The following LRP6 variants were observed in gnomAD, a reference collection of about 807,000 sequenced individuals.
LRP6 encodes low-density lipoprotein receptor-related protein 6.
LRP6 carries 43 observed loss-of-function variants against 184.1 expected under a neutral mutation model. The observed-to-expected ratio is 0.23, with a 90% CI of 0.18 to 0.30. The LOEUF (loss-of-function observed/expected upper bound fraction) is 0.30. LRP6 is among the 10% of genes least tolerant of loss of function. The pLI is 1.00. For missense variants in LRP6, 1,571 were observed against 2,005.3 expected, an observed-to-expected ratio of 0.78 and a Z score of 4.14; for synonymous variants, 719 against 684.9, an observed-to-expected ratio of 1.05 and a Z score of -0.78.
intron 2 of LRP6, among the ~76,000 whole-genome samples, chr12:12,223,970 C>A (rs1485859232): frequency 6.6e-6 from 1 of 152,146 alleles, no homozygotes; most frequent in South Asian, 2.1e-4. Flanking sequence ...TTATATGAAG[C>A]AATATTATCA....
At position 12,264,637 on chromosome 12, in the gene LRP6, T is replaced by G. The variant is rs140429642; in HGVS notation, c.55+2044A>C. 3.3e-5 allele frequency among the ~76,000 whole-genome samples: 5 copies of G among 152,274 alleles called. No individual in the cohort carries two copies. In the East Asian group the frequency reaches 9.6e-4, roughly 29 times the overall value. ...CCTAAATGCAACAAATCAATCAGAT[T>G]TTTCTCCTTGGAGTCCAAGGTTGAC... On this transcript the variant is annotated intron_variant, in intron 1 of 22. Coordinates refer to ENST00000261349, the MANE Select transcript of LRP6 (RefSeq NM_002336.3).
At chr12:12,195,730 G>C (rs1002291117) in intron 3 of LRP6, among the ~76,000 whole-genome samples, 1 of 151,946 alleles carries the variant, frequency 6.6e-6, no homozygotes, top group African/African-American at 2.4e-5. Flanking sequence ...TTTGTTGCCT[G>C]CATTTTTGAG....
chr12:12,174,878 A>C (rs1035775985), intron 7 of LRP6, among the ~76,000 whole-genome samples: 23 of 152,202 alleles, frequency 1.5e-4, no homozygotes, highest in Admixed American at 1.4e-3. Context: ...TTTCCCAACA[A>C]AGGTGTGCCA....
chr12:12,193,859 T>C (rs1327775645), intron 3 of LRP6, among the ~76,000 whole-genome samples: 2 of 152,086 alleles, frequency 1.3e-5, no homozygotes, highest in African/African-American at 4.8e-5. Flanking sequence ...GAGGCTGATA[T>C]TATGCTAATC....
At chr12:12,157,774 A>G (rs558966754) in intron 12 of LRP6, among the ~76,000 whole-genome samples, 1 of 152,268 alleles carries the variant, frequency 6.6e-6, no homozygotes, top group South Asian at 2.1e-4. Flanking sequence ...CCCCTCCCAT[A>G]ATCTACTCTT....
Position 12,187,122 on chromosome 12 carries a change from A to T in LRP6, c.648-3T>A. The T allele has an allele frequency of 6.2e-7, 1 of 1,613,766 alleles. No homozygotes were observed. Among genetic ancestry groups the T allele is most frequent in the Non-Finnish European group, 8.5e-7 (1 of 1,179,680 alleles). ...GGGAACCTTTAACCACTGCCTGCCT[A>T]TTAACATAAAGAGAAAAATTTAAAC... On this transcript the variant is annotated splice_region_variant and splice_polypyrimidine_tract_variant and intron_variant, in intron 3 of 22. Coordinates refer to ENST00000261349, the MANE Select transcript of LRP6 (RefSeq NM_002336.3).
At chr12:12,232,684 G>C (rs1301422251) in intron 2 of LRP6, among the ~76,000 whole-genome samples, 1 of 149,226 alleles carries the variant, frequency 6.7e-6, no homozygotes, top group Non-Finnish European at 1.5e-5. Flanking sequence ...ACACATAAAA[G>C]ATGGAATAAA....
chr12:12,256,673 G>A (rs189883878), intron 1 of LRP6, among the ~76,000 whole-genome samples: 1 of 152,244 alleles, frequency 6.6e-6, no homozygotes, highest in East Asian at 1.9e-4. Context: ...CAGCATGGTG[G>A]CACACGCCTG....
In LRP6 at chr12:12,266,904, G is replaced by T; in HGVS notation, c.-169C>A. ...TCAAGGTTCCGCGCGCGCCGCCGCC[G>T]CCCTCTCTACCGCGCCGCTCGGCCC... On this transcript the variant is annotated 5_prime_UTR_variant, in exon 1 of 23. Coordinates refer to ENST00000261349, the MANE Select transcript of LRP6 (RefSeq NM_002336.3). 1.5e-6 allele frequency: 1 copy of T among 666,916 alleles called. No individual in the cohort carries two copies. Among genetic ancestry groups the T allele is most frequent in the South Asian group, 1.7e-5 (1 of 58,274 alleles). 41.3% of individuals were successfully genotyped at this position (666,916 alleles called of 1,614,324 possible).
chr12:12,163,998 C>T (rs1591903525), intron 9 of LRP6, among the ~76,000 whole-genome samples: 1 of 152,038 alleles, frequency 6.6e-6, no homozygotes. Flanking sequence ...GGCGTCGTGG[C>T]ACGCACCTGT....
At chr12:12,211,829 G>A (rs565236053) in intron 2 of LRP6, among the ~76,000 whole-genome samples, 1 of 152,176 alleles carries the variant, frequency 6.6e-6, no homozygotes, top group South Asian at 2.1e-4. Context: ...ATTATAACCT[G>A]AAAGCGGGTA....
intron 9 of LRP6, 39 bp downstream of exon 9, chr12:12,164,234 T>C (rs1291828201): frequency 6.3e-7 from 1 of 1,586,558 alleles, no homozygotes; most frequent in Non-Finnish European, 8.6e-7. Flanking sequence ...AGTTCTCCCT[T>C]TTAGTCCCTA....
At chr12:12,225,520 T>C (rs971171502) in intron 2 of LRP6, among the ~76,000 whole-genome samples, 1 of 152,118 alleles carries the variant, frequency 6.6e-6, no homozygotes, top group Non-Finnish European at 1.5e-5. Flanking sequence ...ATCTGAAAGT[T>C]AAAAACTCTA....
Position 12,266,648 on chromosome 12 carries a change from C to A in LRP6, c.55+33G>T, listed in dbSNP as rs780210697. 7 of 1,604,786 alleles carry A rather than the reference C, an allele frequency of 4.4e-6. No individual in the cohort carries two copies. In the East Asian group the frequency reaches 1.6e-4, roughly 36 times the overall value. On this transcript the variant is annotated intron_variant, in intron 1 of 22. Transcript: ENST00000261349. The stretch of plus-strand genomic sequence containing the variant: ...CAACAAGGCCACCTCCCCCCGAACC[C>A]CACCAACTTTCCAGTGCCCCCACTC...
intron 2 of LRP6, among the ~76,000 whole-genome samples, chr12:12,214,945 T>C (rs779104586): frequency 1.4e-4 from 21 of 152,240 alleles, no homozygotes; most frequent in Non-Finnish European, 2.6e-4. Context: ...TCATTCATCA[T>C]GATTGCTTCC....
chr12:12,131,470 T>C (rs1949756052), intron 18 of LRP6, among the ~76,000 whole-genome samples: 1 of 152,196 alleles, frequency 6.6e-6, no homozygotes, highest in African/African-American at 2.4e-5. Context: ...TGGGTTGTTT[T>C]TACCATGGGA....
chr12:12,125,099 T>C (rs774563359), intron 21 of LRP6, among the ~76,000 whole-genome samples, 197 bp downstream of exon 21: 2 of 152,208 alleles, frequency 1.3e-5, no homozygotes, highest in Non-Finnish European at 2.9e-5. Context: ...CTTTCAAGTA[T>C]TCTGGTTACT....
intron 7 of LRP6, among the ~76,000 whole-genome samples, chr12:12,168,008 T>C (rs529252239): frequency 1.3e-5 from 2 of 152,338 alleles, no homozygotes; most frequent in South Asian, 2.1e-4. Context: ...ATTTTTATTG[T>C]TTACTTTTGC....
chr12:12,167,319 TGG>T lies in LRP6; in HGVS notation c.1546-2026_1546-2025del, dbSNP rs1862907043. On this transcript the variant is annotated intron_variant, in intron 7 of 22. Transcript: ENST00000261349. ...TTCAAATATAAGCTTTATCACTCAG[TGG>T]GTACCTTTAAGCAAGTCTCACAAAT... Among the ~76,000 whole-genome samples the T allele has an allele frequency of 2.0e-5, 3 of 152,022 alleles. No individual in the cohort carries two copies. The East Asian group carries it at 5.8e-4, about 29-fold the overall frequency.
Sources: allele counts gnomAD v4.1 joint callset (sites outside exome capture counted in the v4.1 genomes callset), GRCh38; gene constraint gnomAD v4.1.1; transcripts MANE v1.5; gene names NCBI Gene and HGNC (gene_info 2026-07-23, HGNC 2026-07-21).